CACNA2D1: variants seen among roughly 807,000 people sequenced by gnomAD.
CACNA2D1 encodes the protein voltage-dependent calcium channel subunit alpha-2/delta-1.
Under a neutral mutation model 171.5 loss-of-function variants are expected in CACNA2D1, and 53 were observed. The observed-to-expected ratio is 0.31, with a 90% CI of 0.25 to 0.39. CACNA2D1 has a LOEUF of 0.39. Among genes scored for constraint, CACNA2D1 ranks in the 10% least tolerant of loss-of-function variants. CACNA2D1 has a pLI of 1.00. For synonymous variants in CACNA2D1, 442 were observed against 443.1 expected (o/e 1.00, Z 0.03); for missense variants, 903 against 1,299.8 (o/e 0.69, Z 4.69).
chr7:82,139,425 GTTTA>G (rs547924537), intron 4 of CACNA2D1, among the ~76,000 whole-genome samples: 65 of 152,206 alleles, frequency 4.3e-4, no homozygotes, highest in African/African-American at 5.1e-4. Flanking sequence ...AAAGATCTAA[GTTTA>G]TTTGAGAATT....
At chr7:81,991,992 G>A (rs1183000267) in intron 20 of CACNA2D1, among the ~76,000 whole-genome samples, 2 of 139,114 alleles carry the variant, frequency 1.4e-5, no homozygotes, top group Non-Finnish European at 3.0e-5. Context: ...CTGCCACCAC[G>A]CCTGGCTCAT....
chr7:82,304,578 T>TC (rs1813473818), intron 3 of CACNA2D1, among the ~76,000 whole-genome samples: 1 of 152,186 alleles, frequency 6.6e-6, no homozygotes, highest in Non-Finnish European at 1.5e-5. Context: ...CGGAGATCAT[T>TC]ACGTTAAGTG....
chr7:82,050,701 T>A, intron 10 of CACNA2D1: 1 of 697,098 alleles, frequency 1.4e-6, no homozygotes, highest in Non-Finnish European at 2.6e-6. Flanking sequence ...CATAAAGAAA[T>A]GTCTCCCAAC....
At chr7:82,197,163 A>G (rs773278423) in intron 3 of CACNA2D1, among the ~76,000 whole-genome samples, 2 of 151,996 alleles carry the variant, frequency 1.3e-5, no homozygotes, top group African/African-American at 2.4e-5. Context: ...TTATAGAAAA[A>G]TTAATCTTTA....
intron 10 of CACNA2D1, among the ~76,000 whole-genome samples, chr7:82,056,926 A>G (rs1805974428): frequency 6.7e-6 from 1 of 149,644 alleles, no homozygotes; most frequent in Admixed American, 6.7e-5. Flanking sequence ...AATAATAAGC[A>G]CATGACCACA....
At chr7:82,430,090 C>A (rs1829544109) in intron 1 of CACNA2D1, among the ~76,000 whole-genome samples, 1 of 152,226 alleles carries the variant, frequency 6.6e-6, no homozygotes, top group African/African-American at 2.4e-5. Flanking sequence ...ACATTCTTTT[C>A]TATGGCAAAT....
chr7:82,407,106 G>C (rs1393033515), intron 1 of CACNA2D1, among the ~76,000 whole-genome samples: 1 of 152,156 alleles, frequency 6.6e-6, no homozygotes, highest in Admixed American at 6.5e-5. Flanking sequence ...TATAGACAAA[G>C]AGTTGCAGCA....
At chr7:82,242,078 T>C (rs1804371485) in intron 3 of CACNA2D1, among the ~76,000 whole-genome samples, 1 of 152,126 alleles carries the variant, frequency 6.6e-6, no homozygotes, top group Admixed American at 6.6e-5. Context: ...AAGAATGCTA[T>C]GAGGCTTGCT....
chr7:82,178,171 C>G (rs1476504634), intron 3 of CACNA2D1, among the ~76,000 whole-genome samples: 1 of 152,038 alleles, frequency 6.6e-6, no homozygotes, highest in Non-Finnish European at 1.5e-5. Context: ...AAACTTTCGC[C>G]TCATAGCTTC....
intron 21 of CACNA2D1, among the ~76,000 whole-genome samples, chr7:81,988,294 G>C (rs531358320): frequency 4.6e-5 from 7 of 152,258 alleles, no homozygotes; most frequent in Admixed American, 3.9e-4. Context: ...TGGCAATAAG[G>C]AAGAGGGAGG....
chr7:82,048,669 T>A (rs989435043), intron 10 of CACNA2D1, among the ~76,000 whole-genome samples: 3 of 152,142 alleles, frequency 2.0e-5, no homozygotes, highest in African/African-American at 7.2e-5. Flanking sequence ...TGAATTTCTT[T>A]TGAATTTTAA....
intron 1 of CACNA2D1, among the ~76,000 whole-genome samples, chr7:82,428,001 C>A (rs1829336749): frequency 6.6e-6 from 1 of 151,602 alleles, no homozygotes; most frequent in African/African-American, 2.4e-5. Flanking sequence ...CGAGCCTGGC[C>A]AACATAGTGA....
intron 6 of CACNA2D1, among the ~76,000 whole-genome samples, chr7:82,116,526 AT>A (rs1362484170): frequency 6.6e-6 from 1 of 152,108 alleles, no homozygotes; most frequent in African/African-American, 2.4e-5. Flanking sequence ...CCCACAATAC[AT>A]TGAGAGGAAG....
intron 12 of CACNA2D1, chr7:82,028,511 T>C (rs1802235008): frequency 1.3e-5 from 2 of 151,846 alleles, no homozygotes. Flanking sequence ...ACACATTTGG[T>C]AAGACTATAG....
chr7:82,263,928 A>C (rs892665558), intron 3 of CACNA2D1, among the ~76,000 whole-genome samples: 2 of 152,172 alleles, frequency 1.3e-5, no homozygotes, highest in African/African-American at 4.8e-5. Context: ...AAATAAACAC[A>C]TAATATGGGT....
intron 3 of CACNA2D1, among the ~76,000 whole-genome samples, chr7:82,301,089 T>TG (rs1812940832): frequency 6.6e-6 from 1 of 152,228 alleles, no homozygotes; most frequent in African/African-American, 2.4e-5. Context: ...TGTGAATGAC[T>TG]AAAGAAAGGT....
chr7:82,029,542 A>G (rs1404921644), intron 12 of CACNA2D1: 1 of 151,764 alleles, frequency 6.6e-6, no homozygotes, highest in African/African-American at 2.4e-5. Flanking sequence ...CATGATTTAA[A>G]AAAGAAAAAC....
intron 24 of CACNA2D1, among the ~76,000 whole-genome samples, chr7:81,977,115 T>A (rs180732365): frequency 3.3e-5 from 5 of 152,304 alleles, no homozygotes; most frequent in Non-Finnish European, 7.4e-5. Context: ...AGAGAGTGCA[T>A]CCTTGTCTTG....
intron 2 of CACNA2D1, among the ~76,000 whole-genome samples, chr7:82,344,901 T>C (rs1179613701): frequency 1.3e-5 from 2 of 152,212 alleles, no homozygotes; most frequent in Non-Finnish European, 2.9e-5. Flanking sequence ...ACATAACTTC[T>C]TTAAAATTTT....
Sources: allele counts gnomAD v4.1 joint callset (sites outside exome capture counted in the v4.1 genomes callset), GRCh38; gene constraint gnomAD v4.1.1; transcripts MANE v1.5; gene names NCBI Gene and HGNC (gene_info 2026-07-23, HGNC 2026-07-21).